The following EHBP1 variants were observed in gnomAD, a reference collection of about 807,000 sequenced individuals.
The protein encoded by EHBP1 is EH domain binding protein 1.
Under a neutral mutation model 144.0 loss-of-function variants are expected in EHBP1, and 55 were observed. That is an observed-to-expected ratio of 0.38 (90% confidence interval 0.31 to 0.48). The LOEUF is 0.48. Among genes scored for constraint, EHBP1 ranks in the 20% least tolerant of loss-of-function variants. The pLI is 0.98. For missense variants in EHBP1, 1,200 were observed against 1,364.2 expected, an observed-to-expected ratio of 0.88 and a Z score of 1.90; for synonymous variants, 469 against 472.7, an observed-to-expected ratio of 0.99 and a Z score of 0.10.
intron 10 of EHBP1, among the ~76,000 whole-genome samples, chr2:62,890,682 A>C (rs937832243): frequency 2.6e-5 from 4 of 152,198 alleles, no homozygotes; most frequent in Non-Finnish European, 5.9e-5. Flanking sequence ...TGTCGTCTGC[A>C]TACAGGGATA....
chr2:62,946,856 T>C (rs560490836), intron 12 of EHBP1, among the ~76,000 whole-genome samples: 14 of 152,278 alleles, frequency 9.2e-5, no homozygotes, highest in African/African-American at 3.1e-4. Flanking sequence ...AATTGCTACA[T>C]GAAGCAAAAC....
At chr2:62,879,600 G>GAC (rs1350500511) in intron 10 of EHBP1, among the ~76,000 whole-genome samples, 13 of 144,144 alleles carry the variant, frequency 9.0e-5, no homozygotes, top group Admixed American at 6.2e-4. Context: ...CAGAGACAGA[G>GAC]AGAGAGAGAG....
intron 7 of EHBP1, among the ~76,000 whole-genome samples, chr2:62,853,777 C>CT (rs1558795981): frequency 1.3e-4 from 20 of 152,222 alleles, no homozygotes; most frequent in Non-Finnish European, 4.4e-5. Flanking sequence ...ACACTAATCA[C>CT]CTGTACATCT....
At chr2:62,723,523 C>T (rs757136761) in intron 2 of EHBP1, among the ~76,000 whole-genome samples, 4 of 152,060 alleles carry the variant, frequency 2.6e-5, no homozygotes, top group East Asian at 1.9e-4. Context: ...ATCCTGTCAT[C>T]GTGATGTTAG....
chr2:62,827,484 C>T (rs1353874229), intron 6 of EHBP1, among the ~76,000 whole-genome samples: 1 of 152,122 alleles, frequency 6.6e-6, no homozygotes, highest in Non-Finnish European at 1.5e-5. Flanking sequence ...GCACCATTCA[C>T]GGGAATCTGG....
chr2:62,928,601 TG>T (rs1446926790), intron 10 of EHBP1, among the ~76,000 whole-genome samples: 1 of 151,474 alleles, frequency 6.6e-6, no homozygotes, highest in East Asian at 1.9e-4. Context: ...TATTTTCCAG[TG>T]GGAAAAAAAT....
intron 7 of EHBP1, 61 bp downstream of exon 7, chr2:62,831,219 T>C (rs1403827331): frequency 8.7e-6 from 13 of 1,492,104 alleles, no homozygotes; most frequent in Non-Finnish European, 9.0e-7. Flanking sequence ...AAAAACTCAT[T>C]CTCATTTCCC....
intron 10 of EHBP1, among the ~76,000 whole-genome samples, chr2:62,891,416 G>A (rs1461614914): frequency 1.3e-5 from 2 of 152,072 alleles, no homozygotes; most frequent in Admixed American, 6.5e-5. Flanking sequence ...GGCTTGAAGA[G>A]CAAGCCTTTC....
chr2:62,921,543 C>G (rs2055084351), intron 10 of EHBP1, among the ~76,000 whole-genome samples: 1 of 150,162 alleles, frequency 6.7e-6, no homozygotes, highest in African/African-American at 2.5e-5. Context: ...TAAAATTTCA[C>G]TCTGGAAAAA....
intron 8 of EHBP1, among the ~76,000 whole-genome samples, chr2:62,861,151 A>G (rs1236450451): frequency 9.4e-6 from 1 of 105,966 alleles, no homozygotes; most frequent in African/African-American, 3.9e-5. Context: ...TTTTTTTGAG[A>G]CAGAGTCTCG....
chr2:62,950,770 G>C (rs2057331583), intron 13 of EHBP1, among the ~76,000 whole-genome samples: 1 of 151,850 alleles, frequency 6.6e-6, no homozygotes, highest in Non-Finnish European at 1.5e-5. Context: ...ACCACAACCT[G>C]TGCCTCCCAG....
intron 10 of EHBP1, among the ~76,000 whole-genome samples, chr2:62,896,965 G>A (rs767334217): frequency 6.6e-6 from 1 of 152,082 alleles, no homozygotes; most frequent in Non-Finnish European, 1.5e-5. Context: ...TAGCAGAATT[G>A]TTTTAGCTAG....
intron 9 of EHBP1, among the ~76,000 whole-genome samples, chr2:62,868,741 A>G (rs1365854549): frequency 6.6e-6 from 1 of 152,094 alleles, no homozygotes; most frequent in African/African-American, 2.4e-5. Context: ...TGAGCCCAGA[A>G]GTTGGAGACC....
chr2:62,799,391 C>G (rs2043811881), intron 5 of EHBP1, among the ~76,000 whole-genome samples: 1 of 152,116 alleles, frequency 6.6e-6, no homozygotes, highest in Non-Finnish European at 1.5e-5. Context: ...CTATATATGA[C>G]TGTTCAGTTT....
chr2:62,960,702 C>T (rs897966754), intron 14 of EHBP1, among the ~76,000 whole-genome samples: 3 of 152,122 alleles, frequency 2.0e-5, no homozygotes, highest in Non-Finnish European at 4.4e-5. Context: ...TTAGCTTAAA[C>T]ATGAAAACTT....
intron 5 of EHBP1, among the ~76,000 whole-genome samples, chr2:62,803,158 G>T (rs1343176166): frequency 6.6e-6 from 1 of 151,934 alleles, no homozygotes; most frequent in Non-Finnish European, 1.5e-5. Context: ...TCTGCAGGTG[G>T]ATGTTAAGAT....
chr2:62,769,363 A>G (rs2041451045), intron 4 of EHBP1, among the ~76,000 whole-genome samples: 1 of 152,210 alleles, frequency 6.6e-6, no homozygotes, highest in Admixed American at 6.5e-5. Flanking sequence ...ATACACCAAC[A>G]AAAGCCAATC....
At chr2:62,676,856 G>A (rs533372024) in intron 1 of EHBP1, among the ~76,000 whole-genome samples, 4 of 152,236 alleles carry the variant, frequency 2.6e-5, no homozygotes, top group Admixed American at 1.3e-4. Context: ...GAGCATAAGG[G>A]GATAAAGATC....
intron 7 of EHBP1, among the ~76,000 whole-genome samples, chr2:62,857,124 G>A (rs571019685): frequency 1.3e-5 from 2 of 152,240 alleles, no homozygotes; most frequent in South Asian, 2.1e-4. Flanking sequence ...GCAGCCTATC[G>A]AACTTCCTAA....
Sources: allele counts gnomAD v4.1 joint callset (sites outside exome capture counted in the v4.1 genomes callset), GRCh38; gene constraint gnomAD v4.1.1; transcripts MANE v1.5; gene names NCBI Gene and HGNC (gene_info 2026-07-23, HGNC 2026-07-21).